Variants in CTNNA3 observed in about 807,000 individuals in gnomAD.
The protein encoded by CTNNA3 is catenin alpha 3.
Under a neutral mutation model 95.7 loss-of-function variants are expected in CTNNA3, and 76 were observed. That is an observed-to-expected ratio of 0.79 (90% confidence interval 0.66 to 0.96). CTNNA3 has a LOEUF of 0.96. Among genes scored for constraint, CTNNA3 ranks in the 40% least tolerant of loss-of-function variants. CTNNA3 has a pLI of 0.00. For synonymous variants in CTNNA3, 431 were observed against 374.4 expected, an observed-to-expected ratio of 1.15 and a Z score of -1.74; for missense variants, 1,191 against 1,089.8, an observed-to-expected ratio of 1.09 and a Z score of -1.31.
At chr10:67,737,002 C>A (rs1211826532) in intron 1 of CTNNA3, among the ~76,000 whole-genome samples, 1 of 151,994 alleles carries the variant, frequency 6.6e-6, no homozygotes, top group African/African-American at 2.4e-5. Context: ...CTCACACTGT[C>A]ACCCAGCCTG....
At chr10:66,061,724 G>A (rs1281212671) in intron 15 of CTNNA3, among the ~76,000 whole-genome samples, 1 of 151,716 alleles carries the variant, frequency 6.6e-6, no homozygotes. Flanking sequence ...CCATTCTCAT[G>A]AACTTTCTCA....
chr10:66,849,201 G>C (rs914431146), intron 7 of CTNNA3, among the ~76,000 whole-genome samples: 4 of 152,146 alleles, frequency 2.6e-5, no homozygotes, highest in African/African-American at 4.8e-5. Context: ...CTTTTGTAAT[G>C]CTTTGGTGGA....
chr10:66,563,511 T>C (rs1209734469), intron 10 of CTNNA3, among the ~76,000 whole-genome samples: 1 of 152,102 alleles, frequency 6.6e-6, no homozygotes, highest in African/African-American at 2.4e-5. Flanking sequence ...AATTACATAA[T>C]CTCTTTGCTA....
intron 11 of CTNNA3, among the ~76,000 whole-genome samples, chr10:66,394,506 CACAG>C (rs1421434157): frequency 6.6e-6 from 1 of 150,596 alleles, no homozygotes; most frequent in Non-Finnish European, 1.5e-5. Context: ...CTTCCTCTCC[CACAG>C]ACTGAGAACC....
chr10:66,978,552 AAT>A (rs1554890349), intron 7 of CTNNA3, among the ~76,000 whole-genome samples: 654 of 37,880 alleles, frequency 0.017, 10 homozygotes, highest in African/African-American at 0.035. Context: ...AAAAAAAAAA[AAT>A]ATATATATAT....
At chr10:66,169,192 C>T (rs1239868994) in intron 13 of CTNNA3, among the ~76,000 whole-genome samples, 2 of 152,086 alleles carry the variant, frequency 1.3e-5, no homozygotes, top group African/African-American at 2.4e-5. Flanking sequence ...TCCCTTTACC[C>T]CCAAGTCCCC....
intron 7 of CTNNA3, among the ~76,000 whole-genome samples, chr10:66,875,377 C>T (rs1221062256): frequency 7.3e-6 from 1 of 137,578 alleles, no homozygotes; most frequent in African/African-American, 2.7e-5. Flanking sequence ...GTCACTTTTG[C>T]TTTTAATCAC....
At chr10:66,298,060 T>A (rs540748239) in intron 12 of CTNNA3, among the ~76,000 whole-genome samples, 1 of 152,342 alleles carries the variant, frequency 6.6e-6, no homozygotes, top group African/African-American at 2.4e-5. Flanking sequence ...AGGCTATTTT[T>A]CCTGTCTGGT....
At chr10:67,105,267 T>C (rs1314364764) in intron 7 of CTNNA3, among the ~76,000 whole-genome samples, 2 of 79,786 alleles carry the variant, frequency 2.5e-5, no homozygotes, top group East Asian at 5.9e-4. Context: ...ATAGAATTAA[T>C]TCTACCAAAA....
chr10:67,305,203 G>A (rs573825822), intron 5 of CTNNA3, among the ~76,000 whole-genome samples: 2 of 152,220 alleles, frequency 1.3e-5, no homozygotes, highest in South Asian at 2.1e-4. Context: ...GTGAACCCGG[G>A]AGGTGGAGCT....
intron 7 of CTNNA3, among the ~76,000 whole-genome samples, chr10:66,880,544 T>C (rs1420319282): frequency 6.6e-6 from 1 of 152,108 alleles, no homozygotes; most frequent in Non-Finnish European, 1.5e-5. Context: ...TTTATAGCTG[T>C]GCTCAGGGAC....
intron 7 of CTNNA3, among the ~76,000 whole-genome samples, chr10:66,784,999 G>A (rs1247935957): frequency 3.9e-5 from 6 of 152,166 alleles, no homozygotes; most frequent in Non-Finnish European, 7.4e-5. Context: ...AAAAAGATGT[G>A]AATGAATTCC....
intron 7 of CTNNA3, among the ~76,000 whole-genome samples, chr10:66,830,664 C>G (rs1300184209): frequency 6.6e-6 from 1 of 151,628 alleles, no homozygotes; most frequent in African/African-American, 2.4e-5. Context: ...GGCTGGAGTG[C>G]AGTGGTGCGA....
chr10:67,189,654 C>G (rs560419645), intron 6 of CTNNA3, among the ~76,000 whole-genome samples: 1 of 151,812 alleles, frequency 6.6e-6, no homozygotes, highest in East Asian at 1.9e-4. Flanking sequence ...GTGATCTTAT[C>G]CAGATTTTAT....
intron 8 of CTNNA3, among the ~76,000 whole-genome samples, chr10:66,772,401 G>T (rs1280781625): frequency 1.1e-4 from 17 of 149,554 alleles, no homozygotes; most frequent in Admixed American, 1.0e-3. Flanking sequence ...CTCCAGCCTG[G>T]GCGGTACAGT....
Position 67,256,168 on chromosome 10 carries a change from C to G in CTNNA3, c.580-36298G>C, listed in dbSNP as rs183865905. Among the ~76,000 whole-genome samples the G allele has an allele frequency of 2.6e-3, 398 of 152,206 alleles. 1 individual carries two copies. Among genetic ancestry groups the G allele is most frequent in the African/African-American group, 8.8e-3 (365 of 41,548 alleles). ...AGAGATTTAAGACAATTAGCTAAAC[C>G]ATTAGGAAAATATTATTTGCCACAC... On this transcript the variant is annotated intron_variant, in intron 5 of 17. Coordinates refer to ENST00000433211, the MANE Select transcript of CTNNA3 (RefSeq NM_013266.4).
intron 1 of CTNNA3, among the ~76,000 whole-genome samples, chr10:67,665,202 A>G (rs1433368903): frequency 6.6e-6 from 1 of 151,490 alleles, no homozygotes; most frequent in Non-Finnish European, 1.5e-5. Flanking sequence ...AGCAGACTCG[A>G]GCCTCTGCTC....
At chr10:66,998,360 A>G (rs1424726683) in intron 7 of CTNNA3, among the ~76,000 whole-genome samples, 1 of 152,224 alleles carries the variant, frequency 6.6e-6, no homozygotes, top group Non-Finnish European at 1.5e-5. Flanking sequence ...AAAGCACAAG[A>G]AGCATAGTTA....
intron 7 of CTNNA3, among the ~76,000 whole-genome samples, chr10:66,976,724 C>A (rs1850054464): frequency 6.6e-6 from 1 of 152,278 alleles, no homozygotes; most frequent in East Asian, 1.9e-4. Context: ...ATTTTATTCT[C>A]TGAACTTAGT....
Sources: gnomAD v4.1 joint callset for allele counts (sites outside exome capture counted in the v4.1 genomes callset) on GRCh38, gnomAD v4.1.1 for gene constraint, MANE v1.5 for transcripts, NCBI Gene and HGNC (gene_info 2026-07-23, HGNC 2026-07-21) for gene names.